Variants in KCNJ15 observed in about 807,000 individuals in gnomAD.
KCNJ15 encodes the protein ATP-sensitive inward rectifier potassium channel 15.
A neutral mutation model predicts 23.0 loss-of-function variants in KCNJ15; 14 were observed. The ratio of observed to expected loss-of-function variants is 0.61; its 90% CI spans 0.40 to 0.95. KCNJ15 has a LOEUF of 0.95. Ranked by LOEUF, KCNJ15 falls within the 40% of genes least tolerant of loss-of-function variation. KCNJ15 has a pLI of 0.00. For missense variants in KCNJ15, 388 were observed against 461.8 expected (o/e 0.84, Z 1.46); for synonymous variants, 185 against 183.2 (o/e 1.01, Z -0.08).
chr21:38,240,201 T>G (rs768703159), intron 1 of KCNJ15, among the ~76,000 whole-genome samples: 4 of 152,174 alleles, frequency 2.6e-5, no homozygotes, highest in African/African-American at 4.8e-5. Flanking sequence ...TAGACTCCCA[T>G]CGTAGCATTG....
chr21:38,260,411 A>C (rs3787882), intron 1 of KCNJ15, among the ~76,000 whole-genome samples: 25,794 of 148,692 alleles, frequency 0.17, 2,472 homozygotes, highest in East Asian at 0.41. Context: ...TCAGAACTCC[A>C]TGAGTAGTTC....
chr21:38,278,955 T>C (rs1304213573), intron 1 of KCNJ15, among the ~76,000 whole-genome samples: 2 of 152,098 alleles, frequency 1.3e-5, no homozygotes, highest in Non-Finnish European at 1.5e-5. Context: ...AAGGATGCTA[T>C]AGAGAGAGGA....
At chr21:38,293,982 CCCAAGG>C (rs1217858321) in intron 1 of KCNJ15, among the ~76,000 whole-genome samples, 2 of 151,920 alleles carry the variant, frequency 1.3e-5, no homozygotes, top group Non-Finnish European at 2.9e-5. Context: ...AGGAAAATGG[CCCAAGG>C]CCAAGGCCAA....
chr21:38,251,531 T>C (rs988297301), intron 1 of KCNJ15, among the ~76,000 whole-genome samples: 1 of 152,240 alleles, frequency 6.6e-6, no homozygotes, highest in South Asian at 2.1e-4. Context: ...GGGCACTTCA[T>C]GCACCCAACT....
At chr21:38,280,477 C>T (rs79972008) in intron 1 of KCNJ15, among the ~76,000 whole-genome samples, 4,427 of 152,128 alleles carry the variant, frequency 0.029, 85 homozygotes, top group Non-Finnish European at 0.038. Context: ...ATCAGGGGCA[C>T]GTCAGGGTGA....
intron 1 of KCNJ15, chr21:38,272,677 AC>A (rs778187448): frequency 5.9e-5 from 9 of 152,202 alleles, no homozygotes; most frequent in Non-Finnish European, 1.3e-4. Context: ...ATTCACCTTA[AC>A]CTCAGGCATG....
intron 1 of KCNJ15, among the ~76,000 whole-genome samples, chr21:38,260,329 A>G (rs1668451333): frequency 2.0e-5 from 3 of 152,240 alleles, no homozygotes; most frequent in Admixed American, 6.5e-5. Context: ...TGGAATACAC[A>G]TAGTGAATTC....
At chr21:38,282,572 G>A (rs1019582203) in intron 1 of KCNJ15, among the ~76,000 whole-genome samples, 3 of 152,060 alleles carry the variant, frequency 2.0e-5, no homozygotes, top group East Asian at 3.8e-4. Flanking sequence ...TTCTTCACCC[G>A]AACAATGTGC....
At chr21:38,269,250 A>ACAAAC (rs1029496765) in intron 1 of KCNJ15, among the ~76,000 whole-genome samples, 6 of 152,168 alleles carry the variant, frequency 3.9e-5, no homozygotes, top group Non-Finnish European at 7.4e-5. Context: ...ACAAAACAAA[A>ACAAAC]CTTACTTTGT....
rs1386962338 is a variant in KCNJ15, at chr21:38,301,398, C to A, written c.*1009C>A. ...TGGCCAATATTTCTTTCAGCCATTT[C>A]ATTTCTTATCTATTAAAATGGCTTG... On this transcript the variant is annotated 3_prime_UTR_variant, in exon 3 of 3. Coordinates refer to ENST00000398938, the MANE Select transcript of KCNJ15 (RefSeq NM_170736.3). 6.0e-6 allele frequency: 1 copy of A among 167,082 alleles called. No individual in the cohort carries two copies. Among genetic ancestry groups the A allele is most frequent in the Admixed American group, 6.5e-5 (1 of 15,280 alleles). The allele number at this position is 167,082 out of a possible 1,614,324, so 10.3% of individuals were successfully genotyped here.
At chr21:38,236,456 T>C (rs1229877374) in intron 1 of KCNJ15, among the ~76,000 whole-genome samples, 2 of 152,192 alleles carry the variant, frequency 1.3e-5, no homozygotes, top group Non-Finnish European at 2.9e-5. Flanking sequence ...TATCTAGTAC[T>C]TTGCTAGTGG....
Position 38,300,216 on chromosome 21 carries a change from A to C in KCNJ15, c.955A>C (p.Lys319Gln). The C allele has an allele frequency of 1.9e-6, 3 of 1,614,196 alleles. No individual in the cohort carries two copies. Among genetic ancestry groups the C allele is most frequent in the Non-Finnish European group, 2.5e-6 (3 of 1,180,026 alleles). Residue 319 changes from lysine (K) to glutamine (Q), a missense_variant, in exon 3 of 3, where the codon AAA (lysine) becomes CAA (glutamine). Transcript: ENST00000398938. ...FEFVPVVSLS[K>Q]NGKYVADFSQ... ...GTTTGTGCCTGTGGTATCTCTCTCC[A>C]AAAATGGAAAATATGTGGCTGATTT... is the stretch of plus-strand genomic sequence containing the variant.
chr21:38,289,203 A>G (rs890559009), intron 1 of KCNJ15, among the ~76,000 whole-genome samples: 19 of 151,724 alleles, frequency 1.3e-4, no homozygotes, highest in African/African-American at 4.6e-4. Context: ...TCTCAAAAAA[A>G]AAAAAAAAAA....
chr21:38,304,315 T>C lies in KCNJ15; in HGVS notation c.*3926T>C, dbSNP rs1226479378. The C allele has an allele frequency of 6.8e-6, 1 of 146,802 alleles. No individual in the cohort carries two copies. The highest frequency in any genetic ancestry group is 1.5e-5 in the Non-Finnish European group (1 of 66,886). 9.1% of individuals were successfully genotyped at this position (146,802 alleles called of 1,614,324 possible). A position where few individuals can be genotyped will look rare whatever the true frequency, so the allele number is the denominator to read the frequency against. ...CCTTCCTGTGTCCATGTGTTCTCATTGTTCAATTTCCACCTATGAGTGAGA... is the reference window on the plus strand; with the variant it reads ...CCTTCCTGTGTCCATGTGTTCTCATCGTTCAATTTCCACCTATGAGTGAGA... On this transcript the variant is annotated 3_prime_UTR_variant, in exon 3 of 3. Transcript: ENST00000398938.
intron 1 of KCNJ15, among the ~76,000 whole-genome samples, chr21:38,270,911 C>T (rs73414762): frequency 0.04 from 6,105 of 152,298 alleles, 423 homozygotes; most frequent in African/African-American, 0.14. Context: ...ATTCCCTATA[C>T]GTTGCATGCA....
chr21:38,240,967 G>A (rs1228331219), intron 1 of KCNJ15, among the ~76,000 whole-genome samples: 1 of 152,110 alleles, frequency 6.6e-6, no homozygotes, highest in African/African-American at 2.4e-5. Flanking sequence ...TATTGCTCTT[G>A]AAGTTAATAA....
chr21:38,231,732 T>A (rs1018139555), intron 1 of KCNJ15, among the ~76,000 whole-genome samples: 1 of 151,982 alleles, frequency 6.6e-6, no homozygotes, highest in Admixed American at 6.5e-5. Flanking sequence ...CGTGTTTTTT[T>A]GTTCTTCTTT....
chr21:38,294,801 C>G (rs1179640498), intron 1 of KCNJ15, among the ~76,000 whole-genome samples: 1 of 152,156 alleles, frequency 6.6e-6, no homozygotes, highest in African/African-American at 2.4e-5. Context: ...CTTCAGAAAA[C>G]TAATGCTCAC....
chr21:38,247,523 TGG>T (rs1289626560), intron 1 of KCNJ15, among the ~76,000 whole-genome samples: 16 of 18,614 alleles, frequency 8.6e-4, no homozygotes, highest in African/African-American at 4.5e-3. Flanking sequence ...GATGCATAGG[TGG>T]ATGGATGGAT....
Sources: allele counts gnomAD v4.1 joint callset (sites outside exome capture counted in the v4.1 genomes callset), GRCh38; gene constraint gnomAD v4.1.1; transcripts MANE v1.5; gene names NCBI Gene and HGNC (gene_info 2026-07-23, HGNC 2026-07-21).